The following LOC128092252 variants were observed in gnomAD, a reference collection of about 807,000 sequenced individuals.
chr15:50,673,555 A>G, the LOC128092252 span, among the ~76,000 whole-genome samples: 142 of 152,214 alleles, frequency 9.3e-4, 1 homozygote, highest in African/African-American at 3.3e-3. Flanking sequence ...TTCACTTAGA[A>G]TTAAGAGTCT....
chr15:50,674,671 C>A, the LOC128092252 span, among the ~76,000 whole-genome samples: 23 of 152,182 alleles, frequency 1.5e-4, no homozygotes, highest in Admixed American at 1.2e-3. Flanking sequence ...TAATTAGCAA[C>A]CTTGTCTTTC....
At chr15:50,650,192 C>CAAAAAAAAAAA in the LOC128092252 span, among the ~76,000 whole-genome samples, 2 of 62,302 alleles carry the variant, frequency 3.2e-5, no homozygotes, top group African/African-American at 1.4e-4. Flanking sequence ...GACTTTGTCT[C>CAAAAAAAAAAA]AAAAAAAAAA....
chr15:50,656,926 A>T, the LOC128092252 span, among the ~76,000 whole-genome samples: 1 of 152,152 alleles, frequency 6.6e-6, no homozygotes, highest in Non-Finnish European at 1.5e-5. Context: ...ATTGTCAAAA[A>T]CATCTTACTT....
At chr15:50,686,010 A>ATCC in the LOC128092252 span, among the ~76,000 whole-genome samples, 4 of 152,368 alleles carry the variant, frequency 2.6e-5, no homozygotes, top group Admixed American at 6.5e-5. Flanking sequence ...CCTGTAGAGT[A>ATCC]TCCGCTGCAC....
the LOC128092252 span, among the ~76,000 whole-genome samples, chr15:50,673,379 A>G: frequency 6.6e-6 from 1 of 152,130 alleles, no homozygotes; most frequent in Non-Finnish European, 1.5e-5. Context: ...CCCGACCGGT[A>G]CACACTGCAC....
chr15:50,679,521 T>C, the LOC128092252 span, among the ~76,000 whole-genome samples: 3 of 22,224 alleles, frequency 1.3e-4, no homozygotes, highest in East Asian at 3.7e-3. Flanking sequence ...AATATATATA[T>C]ATATATATAT....
chr15:50,683,220 A>AC, the LOC128092252 span, among the ~76,000 whole-genome samples: 19 of 127,920 alleles, frequency 1.5e-4, no homozygotes, highest in African/African-American at 5.1e-4. Flanking sequence ...TTGACATTTA[A>AC]CAGGCAGTCA....
chr15:50,667,436 T>C, the LOC128092252 span, among the ~76,000 whole-genome samples: 9 of 152,348 alleles, frequency 5.9e-5, no homozygotes, highest in South Asian at 2.1e-4. Flanking sequence ...CCGGGCACAG[T>C]GGTTCACGCC....
chr15:50,684,331 T>C, the LOC128092252 span, among the ~76,000 whole-genome samples: 1 of 151,896 alleles, frequency 6.6e-6, no homozygotes, highest in Non-Finnish European at 1.5e-5. Flanking sequence ...GATTAACTAC[T>C]AACTAGTTCA....
chr15:50,650,771 AG>A, the LOC128092252 span, among the ~76,000 whole-genome samples: 1 of 152,234 alleles, frequency 6.6e-6, no homozygotes, highest in African/African-American at 2.4e-5. Flanking sequence ...AAGACCTGAA[AG>A]GATCAAACTG....
chr15:50,663,928 A>C, the LOC128092252 span, among the ~76,000 whole-genome samples: 1 of 152,024 alleles, frequency 6.6e-6, no homozygotes, highest in South Asian at 2.1e-4. Context: ...AGGCCACTGC[A>C]CTCCAGCCTG....
chr15:50,679,741 G>T, the LOC128092252 span, among the ~76,000 whole-genome samples: 9 of 150,742 alleles, frequency 6.0e-5, no homozygotes, highest in Non-Finnish European at 1.0e-4. Flanking sequence ...ATCTACGTTG[G>T]CCAGGCTGGT....
At chr15:50,671,855 T>C in the LOC128092252 span, among the ~76,000 whole-genome samples, 2 of 152,084 alleles carry the variant, frequency 1.3e-5, no homozygotes, top group African/African-American at 4.8e-5. Context: ...CATAAGTTCA[T>C]AGCACCAGGA....
At chr15:50,666,522 G>A in the LOC128092252 span, among the ~76,000 whole-genome samples, 16 of 152,048 alleles carry the variant, frequency 1.1e-4, no homozygotes, top group Non-Finnish European at 1.8e-4. Context: ...AAGAAAAAGA[G>A]GCCGGGTGCA....
the LOC128092252 span, among the ~76,000 whole-genome samples, chr15:50,682,655 GAACT>G: frequency 6.6e-6 from 1 of 150,980 alleles, no homozygotes; most frequent in Non-Finnish European, 1.5e-5. Context: ...ATCTCTAAAA[GAACT>G]AACAATTTAA....
the LOC128092252 span, among the ~76,000 whole-genome samples, chr15:50,664,262 A>G: frequency 1.3e-5 from 2 of 148,856 alleles, no homozygotes; most frequent in Admixed American, 6.8e-5. Context: ...GTGAGCCGAG[A>G]TCGCGCCACT....
the LOC128092252 span, among the ~76,000 whole-genome samples, chr15:50,669,785 A>G: frequency 6.6e-6 from 1 of 151,072 alleles, no homozygotes; most frequent in East Asian, 1.9e-4. Flanking sequence ...AAGTCCAGGA[A>G]AAAAAAAAGG....
the LOC128092252 span, among the ~76,000 whole-genome samples, chr15:50,672,062 G>A: frequency 1.4e-5 from 2 of 147,802 alleles, no homozygotes. Flanking sequence ...GTTGGTTTTT[G>A]TTTTTGTTTT....
chr15:50,679,495 A>G, the LOC128092252 span, among the ~76,000 whole-genome samples: 1 of 117,560 alleles, frequency 8.5e-6, no homozygotes, highest in East Asian at 2.4e-4. Flanking sequence ...TATATTATAT[A>G]TATGTGTATA....
Sources: allele counts gnomAD v4.1 joint callset (sites outside exome capture counted in the v4.1 genomes callset), GRCh38; gene constraint gnomAD v4.1.1; transcripts MANE v1.5.